The following LARGE1 variants were observed in gnomAD, a reference collection of about 807,000 sequenced individuals.
LARGE1 encodes xylosyl- and glucuronyltransferase LARGE1.
LARGE1 carries 43 observed loss-of-function variants against 87.6 expected under a neutral mutation model. That is an observed-to-expected ratio of 0.49 (90% CI 0.38 to 0.63). The LOEUF (loss-of-function observed/expected upper bound fraction) is 0.63. Among genes scored for constraint, LARGE1 ranks in the 30% least tolerant of loss-of-function variants. The probability of loss-of-function intolerance (pLI) is 0.00; values close to 1 mark genes in which losing one functional copy is unlikely to be tolerated. For missense variants in LARGE1, 802 were observed against 1,000.2 expected (o/e 0.80, Z 2.67); for synonymous variants, 434 against 394.6 (o/e 1.10, Z -1.18).
At chr22:33,797,371 G>T (rs2086019789) in intron 1 of LARGE1, among the ~76,000 whole-genome samples, 1 of 152,118 alleles carries the variant, frequency 6.6e-6, no homozygotes, top group African/African-American at 2.4e-5. Context: ...ACGATCTAGG[G>T]TGTCCAGAAG....
chr22:33,597,583 T>C (rs927426464), intron 5 of LARGE1, among the ~76,000 whole-genome samples: 2 of 152,074 alleles, frequency 1.3e-5, no homozygotes, highest in African/African-American at 4.8e-5. Context: ...GTTTTTAGAG[T>C]CCACCATCAA....
In LARGE1 at chr22:33,650,386, G is replaced by A. The variant is rs1479354350; in HGVS notation, c.389C>T (p.Pro130Leu). 7 of 1,613,944 alleles carry A rather than the reference G, an allele frequency of 4.3e-6. No individual in the cohort carries two copies. The highest frequency in any genetic ancestry group is 1.3e-5 in the African/African-American group (1 of 74,918). Residue 130 changes from proline to leucine, a missense_variant, in exon 3 of 15, where the codon CCG becomes CTG. Pro to Leu is a moderately conservative substitution (Grantham distance 98). Around this residue, in one of 2 missense-constraint regions of LARGE1, gnomAD observed 625 missense variants for 841.9 expected, o/e 0.74. Transcript: ENST00000397394. Reference sequence around the variant, plus strand: ...CTTTACCTCGCATTTCTCCACGACCGGCTGCTGCCCACACTCGGAGCTGTT... The same window carrying A: ...CTTTACCTCGCATTTCTCCACGACCAGCTGCTGCCCACACTCGGAGCTGTT... ...AGNSSECGQQ[P>L]VVEKCETIHV...
chr22:33,366,014 G>T (rs1270172557), intron 9 of LARGE1, among the ~76,000 whole-genome samples: 1 of 152,180 alleles, frequency 6.6e-6, no homozygotes, highest in Non-Finnish European at 1.5e-5. Flanking sequence ...TTGATGTCTT[G>T]TTGAATACAT....
rs1928795734 is a variant in LARGE1, at chr22:33,274,546, G to C, written c.2152C>G (p.Arg718Gly). ...HAPSFDITKF[R>G]SNKQYRICLK... The stretch of plus-strand genomic sequence containing the variant: ...CAGATGCGGTATTGCTTGTTGGAAC[G>C]GAACTTGGTAATGTCGAAGCTGGGG... Residue 718 changes from arginine to glycine, a missense_variant, in exon 15 of 15, where the codon CGT becomes GGT. By Grantham distance (125) the Arg-to-Gly change is moderately radical. Around this residue, in one of 2 missense-constraint regions of LARGE1, gnomAD observed 625 missense variants for 841.9 expected, o/e 0.74. Transcript: ENST00000397394. 1.2e-6 allele frequency: 2 copies of C among 1,614,110 alleles called. No individual in the cohort carries two copies. Among genetic ancestry groups the C allele is most frequent in the Non-Finnish European group, 1.7e-6 (2 of 1,180,024 alleles).
intron 2 of LARGE1, among the ~76,000 whole-genome samples, chr22:33,701,678 G>A (rs1234580968): frequency 1.3e-5 from 2 of 152,230 alleles, no homozygotes; most frequent in East Asian, 3.8e-4. Flanking sequence ...CAGCAAAAGT[G>A]ATTGTAAGTG....
At chr22:33,202,833 A>G (rs1924464998) in intron 11 of LARGE1, among the ~76,000 whole-genome samples, 1 of 152,190 alleles carries the variant, frequency 6.6e-6, no homozygotes, top group Non-Finnish European at 1.5e-5. Flanking sequence ...GTCTTAAAGA[A>G]GAACCAAAGG....
intron 13 of LARGE1, among the ~76,000 whole-genome samples, chr22:33,280,940 G>A (rs1930323487): frequency 6.6e-6 from 1 of 152,202 alleles, no homozygotes; most frequent in South Asian, 2.1e-4. Context: ...CCTAAGTGAT[G>A]CTGAAGCCAC....
chr22:33,494,358 T>A (rs184030026), intron 6 of LARGE1, among the ~76,000 whole-genome samples: 12 of 152,364 alleles, frequency 7.9e-5, no homozygotes. Flanking sequence ...CTTGGTTAAA[T>A]GCTACTTGAC....
chr22:33,359,395 G>C (rs1430815257), intron 9 of LARGE1, among the ~76,000 whole-genome samples: 1 of 152,040 alleles, frequency 6.6e-6, no homozygotes, highest in African/African-American at 2.4e-5. Flanking sequence ...GGAAGATTAA[G>C]TGAGGTCATG....
chr22:33,611,101 A>G (rs1874046272), intron 4 of LARGE1, among the ~76,000 whole-genome samples: 1 of 152,190 alleles, frequency 6.6e-6, no homozygotes, highest in African/African-American at 2.4e-5. Context: ...AGCCCACCAG[A>G]GATGTTCTAT....
chr22:33,596,605 C>T (rs889121154), intron 5 of LARGE1, among the ~76,000 whole-genome samples: 7 of 152,220 alleles, frequency 4.6e-5, no homozygotes, highest in Admixed American at 6.5e-5. Flanking sequence ...ATACATCCAT[C>T]AACTATTCTA....
intron 3 of LARGE1, among the ~76,000 whole-genome samples, chr22:33,642,975 A>G (rs2080491621): frequency 6.6e-6 from 1 of 152,170 alleles, no homozygotes; most frequent in Non-Finnish European, 1.5e-5. Flanking sequence ...CATTGTCAGT[A>G]TTAGACAGAT....
intron 2 of LARGE1, among the ~76,000 whole-genome samples, chr22:33,735,130 A>G (rs1250555049): frequency 6.6e-6 from 1 of 152,242 alleles, no homozygotes; most frequent in Non-Finnish European, 1.5e-5. Flanking sequence ...TCCTTCTTCC[A>G]GGAAGGACAA....
intron 2 of LARGE1, among the ~76,000 whole-genome samples, chr22:33,662,672 C>T (rs941983344): frequency 1.3e-5 from 2 of 152,034 alleles, no homozygotes; most frequent in African/African-American, 4.8e-5. Flanking sequence ...TTAAAGTTAG[C>T]AGTGGCAACA....
At chr22:33,371,680 TA>T (rs1260575852) in intron 9 of LARGE1, among the ~76,000 whole-genome samples, 1 of 152,138 alleles carries the variant, frequency 6.6e-6, no homozygotes, top group East Asian at 1.9e-4. Flanking sequence ...GTAAATTAGG[TA>T]AATGTAAATG....
chr22:33,493,502 G>C (rs1043752363), intron 6 of LARGE1, among the ~76,000 whole-genome samples: 18 of 152,056 alleles, frequency 1.2e-4, no homozygotes, highest in African/African-American at 4.3e-4. Flanking sequence ...TGACATTTGT[G>C]GAGGTGATAA....
intron 7 of LARGE1, among the ~76,000 whole-genome samples, chr22:33,431,592 A>G (rs2067083357): frequency 6.6e-6 from 1 of 152,196 alleles, no homozygotes; most frequent in African/African-American, 2.4e-5. Context: ...CACGCTTTAA[A>G]GGGAGGCATG....
rs183918536 is a variant in LARGE1 at position 33,288,418 on chromosome 22, A to G, written c.1731-5070T>C. ...CAATTTCAGACTTGCCAACCCCACA[A>G]CAGTGTGAGCCAATCCCTTAAGCTC... On this transcript the variant is annotated intron_variant, in intron 12 of 14. Transcript: ENST00000397394. Among the ~76,000 whole-genome samples, 5 of 152,304 alleles carry G rather than the reference A, an allele frequency of 3.3e-5. No individual in the cohort carries two copies. In the East Asian group the frequency reaches 9.6e-4, roughly 29 times the overall value.
At chr22:33,859,502 G>GT (rs1462098519) in intron 1 of LARGE1, among the ~76,000 whole-genome samples, 1 of 152,148 alleles carries the variant, frequency 6.6e-6, no homozygotes, top group Non-Finnish European at 1.5e-5. Context: ...ATAAAAGGGA[G>GT]TTTTCAACAG....
Sources: allele counts gnomAD v4.1 joint callset (sites outside exome capture counted in the v4.1 genomes callset), GRCh38; gene constraint gnomAD v4.1.1; regional missense constraint gnomAD v4.1.1; transcripts MANE v1.5; gene names NCBI Gene and HGNC (gene_info 2026-07-23, HGNC 2026-07-21).